Variants in FCN1 observed in about 807,000 individuals in gnomAD.
FCN1 encodes the protein ficolin 1.
A neutral mutation model predicts 35.6 loss-of-function variants in FCN1; 42 were observed. The ratio of observed to expected loss-of-function variants is 1.18; its 90% CI spans 0.92 to 1.53. FCN1 has a LOEUF of 1.53. Among genes scored for constraint, FCN1 ranks in the 40% most tolerant of loss-of-function variants. The pLI is 0.00. For missense variants in FCN1, 439 were observed against 428.4 expected, an observed-to-expected ratio of 1.02 and a Z score of -0.22; for synonymous variants, 179 against 169.8, an observed-to-expected ratio of 1.05 and a Z score of -0.42.
chr9:134,912,340 G>A (rs918699081), intron 7 of FCN1, 146 bp downstream of exon 7: 4 of 789,796 alleles, frequency 5.1e-6, no homozygotes, highest in Non-Finnish European at 7.8e-6. Context: ...AGGGGACGCA[G>A]CCCTTAGAGG....
chr9:134,913,216 C>CAGGAGGGAGG, intron 5 of FCN1, 73 bp from the exon 6 acceptor site: 1 of 1,586,818 alleles, frequency 6.3e-7, no homozygotes, highest in East Asian at 2.3e-5. Flanking sequence ...GAGGGAGGCC[C>CAGGAGGGAGG]AGGAGGGAGG....
rs1186228745 is a variant in FCN1, at chr9:134,905,907, T to TCTCCTTCTC, written c.*3890_*3891insGAGAAGGAG. ...TTCTTCTTCTTCTTCTTCTTCTTCT[T>TCTCCTTCTC]CTTCTTCTTCTTCTTCTCCCTCTCC... On this transcript the variant is annotated 3_prime_UTR_variant, in exon 9 of 9. Coordinates refer to ENST00000371806, the MANE Select transcript of FCN1 (RefSeq NM_002003.5). 1,379 of 89,828 alleles carry TCTCCTTCTC rather than the reference T, an allele frequency of 0.015. 33 individuals carry two copies. The highest frequency in any genetic ancestry group is 0.034 in the Middle Eastern group (7 of 208). 5.6% of individuals were successfully genotyped at this position (89,828 alleles called of 1,614,324 possible).
rs759227452 is a variant in FCN1, at chr9:134,917,847, C to T, written c.25G>A (p.Ala9Thr). 2.5e-6 allele frequency: 4 copies of T among 1,613,676 alleles called. No individual in the cohort carries two copies. The highest frequency in any genetic ancestry group is 3.4e-6 in the Non-Finnish European group (4 of 1,179,678). The change falls in exon 1 of 9, where the codon GCC becomes ACC. Residue 9 changes from alanine to threonine, a missense_variant. Physicochemically the swap from Ala to Thr is moderately conservative, Grantham distance 58 (BLOSUM62 0). Transcript: ENST00000371806. ...ACTAGCAGGACAGCGAGCCCCCGGG[C>T]CATGGTGGCTCCACTCAGCTCCATG... MELSGATM[A>T]RGLAVLLVLF... is the part of the protein sequence containing the mutation.
Position 134,909,928 on chromosome 9 carries a change from T to C in FCN1, c.851A>G (p.His284Arg). 1 of 1,614,188 alleles carries C rather than the reference T, an allele frequency of 6.2e-7. No homozygotes were observed. Among genetic ancestry groups the C allele is most frequent in the Non-Finnish European group, 8.5e-7 (1 of 1,180,032 alleles). ...GTAGAGACCATTGAGGTTTGAAGCA[T>C]GACAGTCGGCGTACCACCAGGCTCC... ...FQGAWWYADCHASNLNGLYLM... is the reference protein window; with the variant it reads ...FQGAWWYADCRASNLNGLYLM... Residue 284 changes from histidine to arginine, a missense_variant, in exon 9 of 9, where the codon CAT becomes CGT. Physicochemically the swap from His to Arg is conservative, Grantham distance 29. Transcript: ENST00000371806.
Position 134,913,633 on chromosome 9 carries a change from A to C in FCN1, c.308-20T>G. 1 of 1,591,298 alleles carries C rather than the reference A, an allele frequency of 6.3e-7. No homozygotes were observed. The highest frequency in any genetic ancestry group is 8.6e-7 in the Non-Finnish European group (1 of 1,166,756). On this transcript the variant is annotated intron_variant, in intron 4 of 8. Transcript: ENST00000371806. ...CGTCTCCTGTGTGGGGAGAGGAGACACTTGTCATAAGCTTGAAATCAGAGC... is the reference window on the plus strand; with the variant it reads ...CGTCTCCTGTGTGGGGAGAGGAGACCCTTGTCATAAGCTTGAAATCAGAGC...
rs905964726 is a variant in FCN1 at position 134,912,999 on chromosome 9, C to T, written c.468+17G>A. 1.2e-6 allele frequency: 2 copies of T among 1,607,466 alleles called. No individual in the cohort carries two copies. The highest frequency in any genetic ancestry group is 1.7e-6 in the Non-Finnish European group (2 of 1,177,246). ...GGGACTCCCAGGCTGACCGCCTCTGCCCAGCCCCACACTCACGGTCCAGCC... is the reference window on the plus strand; with the variant it reads ...GGGACTCCCAGGCTGACCGCCTCTGTCCAGCCCCACACTCACGGTCCAGCC... On this transcript the variant is annotated intron_variant, in intron 6 of 8. Coordinates refer to ENST00000371806, the MANE Select transcript of FCN1 (RefSeq NM_002003.5).
chr9:134,907,768 G>C lies in FCN1; in HGVS notation c.*2030C>G, dbSNP rs916240406. The C allele has an allele frequency of 5.3e-5, 8 of 152,196 alleles. No individual in the cohort carries two copies. Among genetic ancestry groups the C allele is most frequent in the Non-Finnish European group, 1.0e-4 (7 of 68,048 alleles). The allele number at this position is 152,196 out of a possible 1,614,324, so 9.4% of individuals were successfully genotyped here. On this transcript the variant is annotated 3_prime_UTR_variant, in exon 9 of 9. Transcript: ENST00000371806. The stretch of plus-strand genomic sequence containing the variant: ...GTGAGACTCATGCTCCTTGTGTGTA[G>C]GTGTCACTGTGTAATTGTCATGGCT...
At chr9:134,916,541 T>C (rs1043533806) in intron 1 of FCN1, 80 bp from the exon 2 acceptor site, 10 of 1,393,560 alleles carry the variant, frequency 7.2e-6, no homozygotes, top group Non-Finnish European at 1.0e-5. Flanking sequence ...TGCTGGGGCC[T>C]TGGTCTGTCC....
Position 134,914,777 on chromosome 9 carries a change from C to A in FCN1, c.250G>T (p.Ala84Ser), listed in dbSNP as rs746717210. Reference protein sequence around the residue: ...ERGLPGAPGKAGPVGPKGDRG... With the variant: ...ERGLPGAPGKSGPVGPKGDRG... ...TTACCTTTGGGCCCCACTGGTCCTG[C>A]CTTTCCAGGGGCTCCAGGGAGACCG... Residue 84 changes from alanine (A) to serine (S), a missense_variant, in exon 3 of 9, where the codon GCA (alanine) becomes TCA (serine). Ala to Ser is a moderately conservative substitution (Grantham distance 99, BLOSUM62 1). Transcript: ENST00000371806. 2 of 1,612,938 alleles carry A rather than the reference C, an allele frequency of 1.2e-6. No homozygotes were observed. Among genetic ancestry groups the A allele is most frequent in the Admixed American group, 3.3e-5 (2 of 59,944 alleles).
rs1297501591 is a variant in FCN1 at position 134,903,488 on chromosome 9, G to A, written c.*6310C>T. Among the ~76,000 whole-genome samples, 1 of 152,094 alleles carries A rather than the reference G, an allele frequency of 6.6e-6. No individual in the cohort carries two copies. The highest frequency in any genetic ancestry group is 2.4e-5 in the African/African-American group (1 of 41,428). ...TAGAAAAATCCCAAATAATTTGGAA[G>A]TAAAAGAACACAATTTTAAATAAAC... On this transcript the variant is annotated 3_prime_UTR_variant, in exon 9 of 9. Transcript: ENST00000371806.
Position 134,915,809 on chromosome 9 carries a change from G to A in FCN1, c.217+539C>T, listed in dbSNP as rs188529444. 7.2e-5 allele frequency among the ~76,000 whole-genome samples: 11 copies of A among 152,294 alleles called. No homozygotes were observed. The East Asian group carries it at 7.7e-4, about 11-fold the overall frequency. On this transcript the variant is annotated intron_variant, in intron 2 of 8. Coordinates refer to ENST00000371806, the MANE Select transcript of FCN1 (RefSeq NM_002003.5). ...TTAGGGGGACCCAAAACCACCCAAG[G>A]CAGGTGCCTGCTGTTCATTCTCCCA... is the stretch of plus-strand genomic sequence containing the variant.
At chr9:134,914,499 G>A (rs1325203784) in intron 3 of FCN1, 79 bp from the exon 4 acceptor site, 20 of 1,328,210 alleles carry the variant, frequency 1.5e-5, no homozygotes, top group Admixed American at 1.4e-4. Flanking sequence ...GTGGGCTCCC[G>A]GCCTGGACAC....
chr9:134,914,899 C>A, intron 2 of FCN1, 90 bp from the exon 3 acceptor site: 1 of 945,188 alleles, frequency 1.1e-6, no homozygotes, highest in Non-Finnish European at 1.7e-6. Flanking sequence ...AGTCCTGACC[C>A]TCCCCCACTC....
intron 7 of FCN1, among the ~76,000 whole-genome samples, chr9:134,912,003 A>G (rs2118936634): frequency 6.6e-6 from 1 of 152,236 alleles, no homozygotes; most frequent in African/African-American, 2.4e-5. Context: ...ACCAGCAATT[A>G]TACAGACTGC....
Position 134,911,114 on chromosome 9 carries a change from G to T in FCN1, c.733+19C>A, listed in dbSNP as rs1248897124. The T allele has an allele frequency of 6.2e-7, 1 of 1,613,686 alleles. No individual in the cohort carries two copies. The highest frequency in any genetic ancestry group is 1.3e-5 in the African/African-American group (1 of 74,904). On this transcript the variant is annotated intron_variant, in intron 8 of 8. Coordinates refer to ENST00000371806, the MANE Select transcript of FCN1 (RefSeq NM_002003.5). ...TTTCCAAGCCCCACTCAGGCCACCAGCCCCAAGCAGACACTCACCCGCACT... is the reference window on the plus strand; with the variant it reads ...TTTCCAAGCCCCACTCAGGCCACCATCCCCAAGCAGACACTCACCCGCACT...
Position 134,907,335 on chromosome 9 carries a change from C to T in FCN1, c.*2463G>A, listed in dbSNP as rs913392476. ...CCTTACAGGTATTGAGTCAAGAACA[C>T]TGGGCATCAGTGGAGGATGTGCCTG... On this transcript the variant is annotated 3_prime_UTR_variant, in exon 9 of 9. Transcript: ENST00000371806. 1 of 152,208 alleles carries T rather than the reference C, an allele frequency of 6.6e-6. No individual in the cohort carries two copies. The highest frequency in any genetic ancestry group is 1.5e-5 in the Non-Finnish European group (1 of 68,044). 9.4% of individuals were successfully genotyped at this position (152,208 alleles called of 1,614,324 possible).
At chr9:134,910,447 C>T (rs183505561) in intron 8 of FCN1, among the ~76,000 whole-genome samples, 1 of 152,296 alleles carries the variant, frequency 6.6e-6, no homozygotes, top group East Asian at 1.9e-4. Flanking sequence ...TATCTCAAGC[C>T]CTGAGCCGGA....
chr9:134,914,406 T>G lies in FCN1; in HGVS notation c.286A>C (p.Lys96Gln), dbSNP rs1831065247. The G allele has an allele frequency of 6.2e-7, 1 of 1,613,960 alleles. No individual in the cohort carries two copies. The highest frequency in any genetic ancestry group is 8.5e-7 in the Non-Finnish European group (1 of 1,179,988). Residue 96 changes from lysine to glutamine, a missense_variant, in exon 4 of 9, where the codon AAG becomes CAG. By Grantham distance (53) the Lys-to-Gln change is moderately conservative. Coordinates refer to ENST00000371806, the MANE Select transcript of FCN1 (RefSeq NM_002003.5). The part of the protein sequence containing the change: ...PVGPKGDRGE[K>Q]GMRGEKGDAG... ...TCACCTTTCTCTCCACGCATCCCCT[T>G]CTCTCCTCGGTCTCCTGGAGGAAGA... is the stretch of plus-strand genomic sequence containing the variant.
At chr9:134,914,288 A>G in intron 4 of FCN1, 97 bp downstream of exon 4, 2 of 1,072,974 alleles carry the variant, frequency 1.9e-6, no homozygotes, top group Non-Finnish European at 2.9e-6. Flanking sequence ...CTGGATTGAC[A>G]GGGACGTGGG....
Sources: allele counts gnomAD v4.1 joint callset (sites outside exome capture counted in the v4.1 genomes callset), GRCh38; gene constraint gnomAD v4.1.1; transcripts MANE v1.5; gene names NCBI Gene and HGNC (gene_info 2026-07-23, HGNC 2026-07-21).